The following CACNA2D3 variants were observed in gnomAD, a reference collection of about 807,000 sequenced individuals.
The protein encoded by CACNA2D3 is voltage-dependent calcium channel subunit alpha-2/delta-3.
Under a neutral mutation model 160.6 loss-of-function variants are expected in CACNA2D3, and 60 were observed. The observed-to-expected ratio is 0.37, with a 90% confidence interval of 0.30 to 0.46. The LOEUF (loss-of-function observed/expected upper bound fraction) is 0.46, where lower values mean the gene tolerates loss of function less well. Among genes scored for constraint, CACNA2D3 ranks in the 20% least tolerant of loss-of-function variants. The pLI is 1.00. For missense variants in CACNA2D3, 1,205 were observed against 1,365.0 expected (o/e 0.88, Z 1.85); for synonymous variants, 558 against 492.9 (o/e 1.13, Z -1.75).
intron 35 of CACNA2D3, among the ~76,000 whole-genome samples, chr3:55,052,958 A>G (rs1177183056): frequency 2.6e-5 from 4 of 152,120 alleles, no homozygotes; most frequent in Non-Finnish European, 5.9e-5. Context: ...TTTAATTGGT[A>G]CATTTGGGCC....
intron 34 of CACNA2D3, among the ~76,000 whole-genome samples, chr3:55,014,639 G>C (rs1382623344): frequency 6.6e-6 from 1 of 152,160 alleles, no homozygotes; most frequent in Non-Finnish European, 1.5e-5. Context: ...GGCTAAGGTA[G>C]GAGAATCGTT....
intron 3 of CACNA2D3, among the ~76,000 whole-genome samples, chr3:54,356,754 G>A (rs1219576402): frequency 1.3e-5 from 2 of 152,188 alleles, no homozygotes; most frequent in African/African-American, 2.4e-5. Flanking sequence ...AGTCTATACA[G>A]TCTGTTACAG....
intron 4 of CACNA2D3, among the ~76,000 whole-genome samples, chr3:54,430,735 T>A (rs953849357): frequency 6.6e-6 from 1 of 152,214 alleles, no homozygotes; most frequent in African/African-American, 2.4e-5. Context: ...ATGAAGATTC[T>A]GTCATTGGAG....
chr3:54,412,042 A>G (rs1459468654), intron 4 of CACNA2D3, among the ~76,000 whole-genome samples: 1 of 152,170 alleles, frequency 6.6e-6, no homozygotes, highest in African/African-American at 2.4e-5. Context: ...TGTGATTGCT[A>G]ACATCATAAA....
intron 35 of CACNA2D3, among the ~76,000 whole-genome samples, chr3:55,029,244 T>C (rs1703632259): frequency 6.6e-6 from 1 of 152,206 alleles, no homozygotes. Context: ...AACTATGGTC[T>C]GGGCTACCAC....
Position 54,760,807 on chromosome 3 carries a change from A to G in CACNA2D3, c.1247-3411A>G, listed in dbSNP as rs528047558. 7.9e-5 allele frequency among the ~76,000 whole-genome samples: 12 copies of G among 152,220 alleles called. No homozygotes were observed. In the South Asian group the frequency reaches 1.2e-3, roughly 16 times the overall value. On this transcript the variant is annotated intron_variant, in intron 12 of 37. Transcript: ENST00000474759. ...TTTGGCCTCTCTGGGAAGTGGTGCC[A>G]TTTTCTGAGATGAGAATGACCAACT...
chr3:54,876,241 C>T lies in CACNA2D3; in HGVS notation c.1711-2777C>T, dbSNP rs148154484. The T allele has an allele frequency of 3.9e-5, 6 of 152,270 alleles. No individual in the cohort carries two copies. The East Asian group carries it at 5.8e-4, about 15-fold the overall frequency. 9.4% of individuals were successfully genotyped at this position (152,270 alleles called of 1,614,324 possible). ...TGGCCTGTGCTTAGGACTCCTCTGC[C>T]GTCTTACAACCTAGGGGTGCCACTC... On this transcript the variant is annotated intron_variant, in intron 18 of 37. Coordinates refer to ENST00000474759, the MANE Select transcript of CACNA2D3 (RefSeq NM_018398.3).
intron 13 of CACNA2D3, among the ~76,000 whole-genome samples, chr3:54,808,910 C>T (rs990596903): frequency 1.3e-5 from 2 of 152,130 alleles, no homozygotes; most frequent in Admixed American, 6.5e-5. Flanking sequence ...TTGGAGCCAG[C>T]CCTAAGTACT....
At chr3:54,173,461 A>G (rs1365636622) in intron 2 of CACNA2D3, among the ~76,000 whole-genome samples, 1 of 152,244 alleles carries the variant, frequency 6.6e-6, no homozygotes, top group Admixed American at 6.5e-5. Context: ...GTGATGGGTT[A>G]TGAGTTACCA....
intron 3 of CACNA2D3, among the ~76,000 whole-genome samples, chr3:54,381,411 C>T (rs984299355): frequency 2.0e-5 from 3 of 152,154 alleles, no homozygotes; most frequent in Non-Finnish European, 2.9e-5. Context: ...TTTCCATTAC[C>T]TTCCCGCCTC....
At chr3:54,262,309 A>G (rs1702415779) in intron 2 of CACNA2D3, among the ~76,000 whole-genome samples, 1 of 152,172 alleles carries the variant, frequency 6.6e-6, no homozygotes, top group Non-Finnish European at 1.5e-5. Flanking sequence ...GAGATGGAAG[A>G]GGCATCATAA....
chr3:54,962,484 G>T (rs147082726), intron 27 of CACNA2D3, among the ~76,000 whole-genome samples: 1 of 152,306 alleles, frequency 6.6e-6, no homozygotes, highest in East Asian at 1.9e-4. Context: ...TAACATGAAT[G>T]ATGACAACAC....
intron 11 of CACNA2D3, among the ~76,000 whole-genome samples, chr3:54,703,243 G>GAA (rs143133989): frequency 1.3e-5 from 2 of 149,586 alleles, no homozygotes; most frequent in African/African-American, 4.9e-5. Context: ...AAAGTTGGAA[G>GAA]AAAAAAAAAG....
chr3:54,805,908 C>A (rs1703109254), intron 13 of CACNA2D3, among the ~76,000 whole-genome samples: 1 of 152,006 alleles, frequency 6.6e-6, no homozygotes, highest in South Asian at 2.1e-4. Context: ...ATATGCAAAT[C>A]AATAAATGTA....
At chr3:55,018,872 G>T in intron 35 of CACNA2D3, among the ~76,000 whole-genome samples, 2 of 151,036 alleles carry the variant, frequency 1.3e-5, no homozygotes, top group African/African-American at 2.4e-5. Context: ...TTTCTCTTTC[G>T]GATACTATTT....
At chr3:54,318,226 G>A (rs1703911032) in intron 2 of CACNA2D3, among the ~76,000 whole-genome samples, 1 of 152,182 alleles carries the variant, frequency 6.6e-6, no homozygotes, top group African/African-American at 2.4e-5. Context: ...GAAGAGCACA[G>A]ACGGTTTTGG....
chr3:54,355,832 G>A (rs965109436), intron 3 of CACNA2D3, among the ~76,000 whole-genome samples: 1 of 152,180 alleles, frequency 6.6e-6, no homozygotes, highest in Non-Finnish European at 1.5e-5. Flanking sequence ...CATTTGGACT[G>A]CATGCCCATT....
chr3:54,808,002 C>T (rs1440605577), intron 13 of CACNA2D3, among the ~76,000 whole-genome samples: 1 of 131,984 alleles, frequency 7.6e-6, no homozygotes, highest in Non-Finnish European at 1.5e-5. Context: ...GGGAATTGAA[C>T]AATGAGAACA....
intron 5 of CACNA2D3, among the ~76,000 whole-genome samples, chr3:54,535,850 G>A (rs1224128307): frequency 6.6e-6 from 1 of 152,220 alleles, no homozygotes; most frequent in Non-Finnish European, 1.5e-5. Context: ...TGTCTGATGT[G>A]ACTAGAGCCT....
Sources: gnomAD v4.1 joint callset for allele counts (sites outside exome capture counted in the v4.1 genomes callset) on GRCh38, gnomAD v4.1.1 for gene constraint, MANE v1.5 for transcripts, NCBI Gene and HGNC (gene_info 2026-07-23, HGNC 2026-07-21) for gene names.